The following STAT6 variants were observed in gnomAD, a reference collection of about 807,000 sequenced individuals.
STAT6 encodes the protein signal transducer and activator of transcription 6.
STAT6 carries 45 observed loss-of-function variants against 106.3 expected under a neutral mutation model. The ratio of observed to expected loss-of-function variants is 0.42; its 90% CI spans 0.33 to 0.54. STAT6 has a LOEUF of 0.54. STAT6 is among the 20% of genes least tolerant of loss of function. The pLI, the probability that STAT6 is intolerant of heterozygous loss-of-function variation, is 0.06. For synonymous variants in STAT6, 413 were observed against 413.6 expected, an observed-to-expected ratio of 1.00 and a Z score of 0.02; for missense variants, 797 against 1,062.2, an observed-to-expected ratio of 0.75 and a Z score of 3.47.
rs2034394238 is a variant in STAT6 at position 57,108,244 on chromosome 12, G to A, written c.35C>T (p.Pro12Leu). Residue 12 changes from proline to leucine, a missense_variant, in exon 2 of 22, where the codon CCA (proline) becomes CTA (leucine). By Grantham distance (98) the Pro-to-Leu change is moderately conservative. This residue lies in a region of STAT6 where 336 missense variants were observed against 429.8 expected (regional missense o/e 0.78). Transcript: ENST00000300134. ...GACATAGAGCCGCTGCACTTTTTCT[G>A]GGGGCATCTTGGAGACCAGACCCCA... ...SLWGLVSKMP[P>L]EKVQRLYVDF... is the part of the protein sequence containing the mutation. 1 of 1,612,276 alleles carries A rather than the reference G, an allele frequency of 6.2e-7. No individual in the cohort carries two copies. The highest frequency in any genetic ancestry group is 1.7e-5 in the Admixed American group (1 of 59,828).
intron 13 of STAT6, among the ~76,000 whole-genome samples, chr12:57,100,638 G>GAA (rs1352178294): frequency 6.3e-4 from 63 of 100,124 alleles, no homozygotes; most frequent in Non-Finnish European, 8.1e-4. Flanking sequence ...GAAAGAGAAA[G>GAA]AGAAAGAAAG....
intron 12 of STAT6, 93 bp from the exon 13 acceptor site, chr12:57,102,589 C>T (rs547152443): frequency 1.3e-5 from 17 of 1,277,554 alleles, no homozygotes; most frequent in Non-Finnish European, 1.9e-5. Flanking sequence ...TGTGGCCTAC[C>T]CCTCCACAGC....
Position 57,107,807 on chromosome 12 carries a change from C to T in STAT6, c.117-64G>A, listed in dbSNP as rs888773582. The T allele has an allele frequency of 5.6e-6, 9 of 1,601,336 alleles. No homozygotes were observed. The African/African-American group carries it at 1.2e-4, about 21-fold the overall frequency. ...CTTCCTCAGCTCTCCTGACCCTTTA[C>T]CCCACAGCCAAAAGCTCAGCAGTTC... On this transcript the variant is annotated intron_variant, in intron 2 of 21. Coordinates refer to ENST00000300134, the MANE Select transcript of STAT6 (RefSeq NM_003153.5).
In STAT6 at chr12:57,096,480, T is replaced by C. The variant is rs139119091; in HGVS notation, c.*92A>G. On this transcript the variant is annotated 3_prime_UTR_variant, in exon 22 of 22. Transcript: ENST00000300134. Reference sequence around the variant, plus strand: ...TGGGGATAGGAGGGCACCCTCCCCATCTGCTGCTTGGCAGGGCATGAGCAA... The same window carrying C: ...TGGGGATAGGAGGGCACCCTCCCCACCTGCTGCTTGGCAGGGCATGAGCAA... The C allele has an allele frequency of 5.3e-5, 69 of 1,293,126 alleles. No homozygotes were observed. In the East Asian group the frequency reaches 1.6e-3, roughly 30 times the overall value. 80.1% of individuals were successfully genotyped at this position (1,293,126 alleles called of 1,614,324 possible).
rs1334338953 is a variant in STAT6 at position 57,099,979 on chromosome 12, C to A, written c.1607+17G>T. On this transcript the variant is annotated intron_variant, in intron 14 of 21. Coordinates refer to ENST00000300134, the MANE Select transcript of STAT6 (RefSeq NM_003153.5). The surrounding 1 kb of genome is among the most constrained non-coding windows in gnomAD (Gnocchi z 4.7). ...ACTGGTGTATGGCTGCTCAGACTAC[C>A]CAGGGTGGGGACTCACCGGTCAGAC... is the stretch of plus-strand genomic sequence containing the variant. 1.2e-6 allele frequency: 2 copies of A among 1,613,876 alleles called. No homozygotes were observed. The highest frequency in any genetic ancestry group is 2.2e-5 in the East Asian group (1 of 44,882).
chr12:57,098,564 G>A lies in STAT6; in HGVS notation c.2100C>T (p.Ile700=). ...PQVYPPHSHS[I]PPYQGLSPEE... ...CTGGGGAGAGGCCTTGATACGGGGG[G>A]ATGGAGTGAGAGTGTGGTGGGTACA... The change falls in exon 19 of 22, where the codon ATC becomes ATT. Residue 700 remains isoleucine (I), a synonymous_variant. Coordinates refer to ENST00000300134, the MANE Select transcript of STAT6 (RefSeq NM_003153.5). 6.2e-7 allele frequency: 1 copy of A among 1,614,160 alleles called. No homozygotes were observed. Among genetic ancestry groups the A allele is most frequent in the South Asian group, 1.1e-5 (1 of 91,082 alleles).
intron 19 of STAT6, 143 bp from the exon 20 acceptor site, chr12:57,097,276 T>C: frequency 5.2e-6 from 3 of 576,840 alleles, no homozygotes; most frequent in Non-Finnish European, 8.4e-6. Context: ...TTCTATGCTC[T>C]GAGCTCAGTC....
At chr12:57,103,217 T>A (rs1592561842) in intron 11 of STAT6, 1 of 228,888 alleles carries the variant, frequency 4.4e-6, no homozygotes, top group Non-Finnish European at 8.4e-6. Context: ...CAGGCTGGAG[T>A]GCAGTGGCGC....
At chr12:57,097,782 C>T (rs1182658214) in intron 19 of STAT6, among the ~76,000 whole-genome samples, 1 of 152,032 alleles carries the variant, frequency 6.6e-6, no homozygotes, top group Non-Finnish European at 1.5e-5. Context: ...AAAGAATTAG[C>T]CGAGTGTCGT....
chr12:57,098,706 C>T (rs1254218005), intron 18 of STAT6, 86 bp downstream of exon 18: 1 of 1,554,342 alleles, frequency 6.4e-7, no homozygotes, highest in African/African-American at 1.4e-5. Flanking sequence ...CCTGTTCAGC[C>T]CCCAGTGCCA....
intron 6 of STAT6, 77 bp downstream of exon 6, chr12:57,106,451 G>A (rs1367014742): frequency 3.7e-6 from 6 of 1,607,952 alleles, no homozygotes; most frequent in South Asian, 1.1e-5. Context: ...ACTTCAGCCT[G>A]TGTCTTTCTG....
Position 57,105,222 on chromosome 12 carries a change from C to G in STAT6, c.930G>C (p.Leu310=), listed in dbSNP as rs2034193691. 1 of 1,613,988 alleles carries G rather than the reference C, an allele frequency of 6.2e-7. No homozygotes were observed. Among genetic ancestry groups the G allele is most frequent in the Non-Finnish European group, 8.5e-7 (1 of 1,179,988 alleles). Residue 310 remains leucine (L), a synonymous_variant, in exon 9 of 22, where the codon CTG becomes CTC. Coordinates refer to ENST00000300134, the MANE Select transcript of STAT6 (RefSeq NM_003153.5). ...TCTCTGTCACCATGTCGGCCCTGAC[C>G]AGCGGAGGCTTGGCTGGGGCCCCCA... ...RFLGAPAKPP[L]VRADMVTEKQ... is the part of the protein sequence containing the mutation.
chr12:57,108,974 A>G (rs3024947), intron 1 of STAT6, among the ~76,000 whole-genome samples: 2,987 of 152,256 alleles, frequency 0.02, 105 homozygotes, highest in African/African-American at 0.067. Context: ...CGAGGCGGGC[A>G]GATCACGAGG....
Position 57,100,005 on chromosome 12 carries a change from C to G in STAT6, c.1598G>C (p.Trp533Ser). 1 of 1,613,662 alleles carries G rather than the reference C, an allele frequency of 6.2e-7. No individual in the cohort carries two copies. Among genetic ancestry groups the G allele is most frequent in the Non-Finnish European group, 8.5e-7 (1 of 1,179,796 alleles). ...DLTKRCLRSY[W>S]SDRLIIGFIS... ...CAGGGTGGGGACTCACCGGTCAGAC[C>G]AGTAGCTCCGGAGACAGCGTTTGGT... The change falls in exon 14 of 22, where the codon TGG becomes TCG. Residue 533 changes from tryptophan to serine, a missense_variant. By Grantham distance (177) the Trp-to-Ser change is radical. This residue lies in a region of STAT6 where 222 missense variants were observed against 354.6 expected (regional missense o/e 0.63). Coordinates refer to ENST00000300134, the MANE Select transcript of STAT6 (RefSeq NM_003153.5).
chr12:57,097,183 G>C, intron 19 of STAT6, 50 bp from the exon 20 acceptor site: 1 of 1,458,848 alleles, frequency 6.9e-7, no homozygotes. Context: ...GGCAAATGCA[G>C]AGTGGTGCAA....
At chr12:57,101,530 A>AT (rs2033932415) in intron 13 of STAT6, among the ~76,000 whole-genome samples, 2 of 148,620 alleles carry the variant, frequency 1.3e-5, no homozygotes, top group South Asian at 4.2e-4. Flanking sequence ...ACTCCTGGCT[A>AT]TTTTTTTGTT....
rs776765573 is a variant in STAT6, at chr12:57,105,479, G to C, written c.801C>G (p.Thr267=). The C allele has an allele frequency of 2.5e-6, 4 of 1,614,054 alleles. No individual in the cohort carries two copies. Among genetic ancestry groups the C allele is most frequent in the Non-Finnish European group, 2.5e-6 (3 of 1,179,962 alleles). Residue 267 remains threonine, a synonymous_variant, in exon 8 of 22, where the codon ACC becomes ACG. Coordinates refer to ENST00000300134, the MANE Select transcript of STAT6 (RefSeq NM_003153.5). Reference sequence around the variant, plus strand: ...CTCCCGGGGAATACCTGGTGACGAGGGTTCTCAGGACTTCATCCAGCCGGC... The same window carrying C: ...CTCCCGGGGAATACCTGGTGACGAGCGTTCTCAGGACTTCATCCAGCCGGC... ...LTGRLDEVLR[T]LVTSCFLVEK...
At position 57,099,970 on chromosome 12, in the gene STAT6, T is replaced by A; in HGVS notation, c.1607+26A>T. On this transcript the variant is annotated intron_variant, in intron 14 of 21. Transcript: ENST00000300134. This position sits in a 1 kb window ranked among gnomAD's most constrained non-coding sequence, Gnocchi z 4.7. ...ATGGAGGTGACTGGTGTATGGCTGC[T>A]CAGACTACCCAGGGTGGGGACTCAC... 1 of 1,614,034 alleles carries A rather than the reference T, an allele frequency of 6.2e-7. No individual in the cohort carries two copies. Among genetic ancestry groups the A allele is most frequent in the East Asian group, 2.2e-5 (1 of 44,858 alleles).
intron 6 of STAT6, 48 bp from the exon 7 acceptor site, chr12:57,106,387 C>A: frequency 6.2e-7 from 1 of 1,611,426 alleles, no homozygotes; most frequent in Non-Finnish European, 8.5e-7. Context: ...TGCCTCCACA[C>A]CCAGCTCCTG....
Sources: gnomAD v4.1 joint callset for allele counts (sites outside exome capture counted in the v4.1 genomes callset) on GRCh38, gnomAD v4.1.1 for gene constraint, gnomAD v4.1.1 regional missense constraint, Gnocchi (gnomAD v3.1) non-coding constraint, MANE v1.5 for transcripts, NCBI Gene and HGNC (gene_info 2026-07-23, HGNC 2026-07-21) for gene names.